The following LONRF1 variants were observed in gnomAD, a reference collection of about 807,000 sequenced individuals.
LONRF1 encodes the protein LON peptidase N-terminal domain and ring finger 1.
A neutral mutation model predicts 85.8 loss-of-function variants in LONRF1; 37 were observed. That is an observed-to-expected ratio of 0.43 (90% CI 0.33 to 0.57). The LOEUF is 0.57. Ranked by LOEUF, LONRF1 falls within the 20% of genes least tolerant of loss-of-function variation. The probability of loss-of-function intolerance (pLI) is 0.04; values close to 1 mark genes in which losing one functional copy is unlikely to be tolerated. For synonymous variants in LONRF1, 517 were observed against 390.1 expected (o/e 1.33, Z -3.83); for missense variants, 1,036 against 978.0 (o/e 1.06, Z -0.79).
Position 12,755,231 on chromosome 8 carries a change from G to T in LONRF1, c.190C>A (p.Leu64Met). ...GCGAACGCCTCCAGCGCGCCCTTCA[G>T]GTGGCCGCCCAGCGCCAGCAGCTCC... ...RGELLALGGH[L>M]KGALEAFAAA... Residue 64 changes from leucine to methionine, a missense_variant, in exon 1 of 12, where the codon CTG becomes ATG. Coordinates refer to ENST00000398246, the MANE Select transcript of LONRF1 (RefSeq NM_152271.5). 8.0e-7 allele frequency: 1 copy of T among 1,243,604 alleles called. No homozygotes were observed. Among genetic ancestry groups the T allele is most frequent in the South Asian group, 3.2e-5 (1 of 30,812 alleles). 77.0% of individuals were successfully genotyped at this position (1,243,604 alleles called of 1,614,324 possible).
chr8:12,722,892 C>A lies in LONRF1; in HGVS notation c.*204G>T, dbSNP rs1021906750. The A allele has an allele frequency of 2.0e-6, 1 of 501,156 alleles. No individual in the cohort carries two copies. Among genetic ancestry groups the A allele is most frequent in the Non-Finnish European group, 3.6e-6 (1 of 281,178 alleles). The allele number at this position is 501,156 out of a possible 1,614,324, so 31.0% of individuals were successfully genotyped here. On this transcript the variant is annotated 3_prime_UTR_variant, in exon 12 of 12. Transcript: ENST00000398246. ...GTAGAGGTTCGACACACATTCAATG[C>A]GTGTTTTTCTGTGCAAGTTCTTAGT...
intron 7 of LONRF1, among the ~76,000 whole-genome samples, chr8:12,734,037 C>A (rs1798627698): frequency 6.6e-6 from 1 of 152,074 alleles, no homozygotes; most frequent in South Asian, 2.1e-4. Context: ...ATGCCAAAAA[C>A]CACAATTACT....
chr8:12,728,066 A>C (rs1234244102), intron 10 of LONRF1, among the ~76,000 whole-genome samples: 1 of 152,236 alleles, frequency 6.6e-6, no homozygotes, highest in African/African-American at 2.4e-5. Context: ...AAAATACCTA[A>C]TGCCAATATC....
In LONRF1 at chr8:12,735,510, G is replaced by T. The variant is rs1798684549; in HGVS notation, c.1452-110C>A. 7.2e-6 allele frequency: 5 copies of T among 697,826 alleles called. 1 individual carries two copies. The highest frequency in any genetic ancestry group is 3.6e-5 in the African/African-American group (2 of 56,054). 43.2% of individuals were successfully genotyped at this position (697,826 alleles called of 1,614,324 possible). On this transcript the variant is annotated intron_variant, in intron 6 of 11. Transcript: ENST00000398246. ...CTCTATTTAAAGGAGGAAGAAGGAGGGCCCAGCAGGCAGGAGAGGAGAGAA... is the reference window on the plus strand; with the variant it reads ...CTCTATTTAAAGGAGGAAGAAGGAGTGCCCAGCAGGCAGGAGAGGAGAGAA...
intron 3 of LONRF1, chr8:12,738,775 A>G (rs1431009146): frequency 6.6e-6 from 1 of 152,168 alleles, no homozygotes; most frequent in Non-Finnish European, 1.5e-5. Context: ...CTAAAACTCC[A>G]ACAGAAACAG....
intron 10 of LONRF1, 39 bp downstream of exon 10, chr8:12,728,862 A>T (rs995240342): frequency 5.6e-6 from 9 of 1,611,050 alleles, no homozygotes; most frequent in Non-Finnish European, 7.6e-6. Flanking sequence ...CTGGAACAGG[A>T]TATACGAAAG....
chr8:12,737,855 T>C (rs1298476463), intron 4 of LONRF1, 140 bp downstream of exon 4: 2 of 756,986 alleles, frequency 2.6e-6, no homozygotes, highest in East Asian at 3.1e-5. Flanking sequence ...GTAAAGGCTA[T>C]GGAAAAAATT....
intron 8 of LONRF1, among the ~76,000 whole-genome samples, chr8:12,729,940 T>A (rs1341275239): frequency 6.6e-6 from 1 of 152,002 alleles, no homozygotes; most frequent in African/African-American, 2.4e-5. Flanking sequence ...ATGGGAAAAA[T>A]GGCAGCATGG....
rs760835536 is a variant in LONRF1 at position 12,754,909 on chromosome 8, T to A, written c.512A>T (p.Asp171Val). 38 of 1,491,644 alleles carry A rather than the reference T, an allele frequency of 2.5e-5. No individual in the cohort carries two copies. In the African/African-American group the frequency reaches 4.4e-4, roughly 17 times the overall value. 92.4% of individuals were successfully genotyped at this position (1,491,644 alleles called of 1,614,324 possible). Reference protein sequence around the residue: ...RLPPATASATDAEGTAPRPPP... With the variant: ...RLPPATASATVAEGTAPRPPP... ...CGGCCGCGGGGCGGTCCCTTCAGCA[T>A]CAGTGGCACTGGCGGTGGCGGGCGG... Residue 171 changes from aspartate to valine, a missense_variant, in exon 1 of 12, where the codon GAT becomes GTT. Asp to Val is a radical substitution (Grantham distance 152). Around this residue, in one of 3 missense-constraint regions of LONRF1, gnomAD observed 742 missense variants for 614.4 expected, o/e 1.21. Transcript: ENST00000398246.
intron 1 of LONRF1, among the ~76,000 whole-genome samples, chr8:12,749,790 G>A (rs1040735491): frequency 9.9e-5 from 15 of 152,072 alleles, no homozygotes; most frequent in Non-Finnish European, 2.2e-4. Flanking sequence ...AATAATTAGA[G>A]ATATAGTCTC....
At chr8:12,735,748 T>C (rs1277684852) in intron 6 of LONRF1, 1 of 172,170 alleles carries the variant, frequency 5.8e-6, no homozygotes, top group Admixed American at 6.3e-5. Context: ...TCAAAGACTT[T>C]CTGCAAAATA....
intron 10 of LONRF1, among the ~76,000 whole-genome samples, chr8:12,728,004 C>T (rs748253056): frequency 1.1e-4 from 16 of 152,276 alleles, no homozygotes; most frequent in South Asian, 4.1e-4. Flanking sequence ...ATTGTACTTT[C>T]CTCATCTACT....
chr8:12,734,630 C>A (rs1798649874), intron 7 of LONRF1, among the ~76,000 whole-genome samples: 2 of 152,184 alleles, frequency 1.3e-5, no homozygotes, highest in African/African-American at 4.8e-5. Context: ...TAGCACTGAT[C>A]ACTGACTCTA....
Position 12,751,310 on chromosome 8 carries a change from T to G in LONRF1, c.721+3390A>C, listed in dbSNP as rs867801286. 4.0e-4 allele frequency among the ~76,000 whole-genome samples: 53 copies of G among 132,194 alleles called. 1 individual carries two copies. The highest frequency in any genetic ancestry group is 1.3e-3 in the African/African-American group (47 of 35,804). The allele number at this position is 132,194 out of a possible 152,430, so 86.7% of individuals were successfully genotyped here. On this transcript the variant is annotated intron_variant, in intron 1 of 11. Coordinates refer to ENST00000398246, the MANE Select transcript of LONRF1 (RefSeq NM_152271.5). ...TTTATTTTTATGTTTTTTTTTTTTT[T>G]TTTTTTTTTTGAGACTGAGTCTTGC...
chr8:12,752,151 T>C (rs1799433111), intron 1 of LONRF1, among the ~76,000 whole-genome samples: 1 of 152,180 alleles, frequency 6.6e-6, no homozygotes, highest in Non-Finnish European at 1.5e-5. Flanking sequence ...TACGAAGAAA[T>C]TATAGTGAAG....
chr8:12,754,838 C>G lies in LONRF1; in HGVS notation c.583G>C (p.Val195Leu). The G allele has an allele frequency of 6.7e-7, 1 of 1,494,556 alleles. No individual in the cohort carries two copies. The highest frequency in any genetic ancestry group is 8.9e-7 in the Non-Finnish European group (1 of 1,127,388). The allele number at this position is 1,494,556 out of a possible 1,614,324, so 92.6% of individuals were successfully genotyped here. The change falls in exon 1 of 12, where the codon GTC (valine) becomes CTC (leucine). Residue 195 changes from valine (V) to leucine (L), a missense_variant. Val to Leu is a conservative substitution (Grantham distance 32). Transcript: ENST00000398246. ...TTCTCGGCCAGGTGGTTGAGGACGA[C>G]GCTGGTTCTGAAGTCTGAAGCGGCG... ...AIAASDFRTSVVLNHLAEKWF... is the reference protein window; with the variant it reads ...AIAASDFRTSLVLNHLAEKWF...
At chr8:12,740,663 T>C (rs774593300) in intron 3 of LONRF1, among the ~76,000 whole-genome samples, 11 of 152,204 alleles carry the variant, frequency 7.2e-5, no homozygotes, top group Admixed American at 1.3e-4. Flanking sequence ...AAAAAATGCA[T>C]TGAAATATCT....
intron 3 of LONRF1, among the ~76,000 whole-genome samples, chr8:12,738,978 T>C (rs992968081): frequency 6.6e-6 from 1 of 152,154 alleles, no homozygotes; most frequent in Non-Finnish European, 1.5e-5. Flanking sequence ...ATAAACAATG[T>C]AGATAAAAGC....
exon 1 of LONRF1, chr8:12,755,516 GGCGCGCGGACACGGCGGGGCT>G: frequency 1.8e-6 from 1 of 556,150 alleles, no homozygotes; most frequent in Non-Finnish European, 2.3e-6. Context: ...AGGGGGGCGT[GGCGCGCGGACACGGCGGGGCT>G]GCGCGCGCCC....
Sources: gnomAD v4.1 joint callset for allele counts (sites outside exome capture counted in the v4.1 genomes callset) on GRCh38, gnomAD v4.1.1 for gene constraint, gnomAD v4.1.1 regional missense constraint, MANE v1.5 for transcripts, NCBI Gene and HGNC (gene_info 2026-07-23, HGNC 2026-07-21) for gene names.